Variants in TMEM163 observed in about 807,000 individuals in gnomAD.
TMEM163 encodes the protein transmembrane protein 163.
A neutral mutation model predicts 29.3 loss-of-function variants in TMEM163; 17 were observed. That is an observed-to-expected ratio of 0.58 (90% CI 0.40 to 0.87). The LOEUF is 0.87. TMEM163 is among the 40% of genes least tolerant of loss of function. The probability of loss-of-function intolerance (pLI) is 0.00; values close to 1 mark genes in which losing one functional copy is unlikely to be tolerated. For missense variants in TMEM163, 303 were observed against 381.5 expected, an observed-to-expected ratio of 0.79 and a Z score of 1.71; for synonymous variants, 157 against 160.6, an observed-to-expected ratio of 0.98 and a Z score of 0.17.
chr2:134,609,104 C>T (rs1413967583), intron 2 of TMEM163, among the ~76,000 whole-genome samples: 5 of 51,376 alleles, frequency 9.7e-5, no homozygotes, highest in African/African-American at 3.1e-4. Flanking sequence ...GGACAGACCC[C>T]GAGAACTGTG....
chr2:134,598,173 G>T (rs1682133102), intron 2 of TMEM163, among the ~76,000 whole-genome samples: 2 of 152,170 alleles, frequency 1.3e-5, no homozygotes, highest in African/African-American at 4.8e-5. Flanking sequence ...TGCCAGAGTA[G>T]CTGACAGTCC....
chr2:134,579,955 C>A (rs949204070), intron 2 of TMEM163, among the ~76,000 whole-genome samples: 1 of 152,016 alleles, frequency 6.6e-6, no homozygotes, highest in Non-Finnish European at 1.5e-5. Context: ...GAGACCTAGT[C>A]TTTAAAAAAA....
At chr2:134,711,661 A>G (rs1684930318) in intron 2 of TMEM163, among the ~76,000 whole-genome samples, 1 of 152,200 alleles carries the variant, frequency 6.6e-6, no homozygotes, top group East Asian at 1.9e-4. Context: ...AGATAGCCCA[A>G]CTGATCAGGT....
chr2:134,554,679 A>C (rs1681009925), intron 2 of TMEM163, among the ~76,000 whole-genome samples: 1 of 152,196 alleles, frequency 6.6e-6, no homozygotes, highest in Non-Finnish European at 1.5e-5. Flanking sequence ...ATCTGGACTC[A>C]AACAAAGGAG....
intron 4 of TMEM163, among the ~76,000 whole-genome samples, chr2:134,515,285 C>T (rs1680034369): frequency 6.6e-6 from 1 of 152,192 alleles, no homozygotes; most frequent in Non-Finnish European, 1.5e-5. Flanking sequence ...GGTCTCTGAA[C>T]TCTCACACGG....
At chr2:134,545,315 C>T (rs1018909251) in intron 4 of TMEM163, among the ~76,000 whole-genome samples, 6 of 152,162 alleles carry the variant, frequency 3.9e-5, no homozygotes, top group African/African-American at 1.4e-4. Flanking sequence ...CTCCCAGTCT[C>T]CACATCCTCA....
Position 134,529,358 on chromosome 2 carries a change from C to A in TMEM163, c.458+21212G>T, listed in dbSNP as rs542861123. On this transcript the variant is annotated intron_variant, in intron 4 of 7. Coordinates refer to ENST00000281924, the MANE Select transcript of TMEM163 (RefSeq NM_030923.5). ...AAACAAAAACAAAATGTATATAAAC[C>A]TGCGCACATGCATAAAAGAAATGGA... 4.6e-5 allele frequency among the ~76,000 whole-genome samples: 7 copies of A among 150,748 alleles called. No individual in the cohort carries two copies. The South Asian group carries it at 1.5e-3, about 32-fold the overall frequency.
At chr2:134,616,102 G>A (rs1029652670) in intron 2 of TMEM163, among the ~76,000 whole-genome samples, 4 of 152,196 alleles carry the variant, frequency 2.6e-5, no homozygotes, top group Non-Finnish European at 4.4e-5. Flanking sequence ...GATGGAAGTG[G>A]TCAAGTCAAA....
intron 2 of TMEM163, among the ~76,000 whole-genome samples, chr2:134,706,815 G>A (rs1203916752): frequency 1.3e-5 from 2 of 152,152 alleles, no homozygotes; most frequent in Non-Finnish European, 2.9e-5. Context: ...GAGGGACCTC[G>A]TGGTAACCAA....
intron 4 of TMEM163, among the ~76,000 whole-genome samples, chr2:134,541,331 T>C (rs2106503394): frequency 6.6e-6 from 1 of 152,372 alleles, no homozygotes; most frequent in East Asian, 1.9e-4. Context: ...AAAAGAATTA[T>C]AACTCTTAGT....
rs1296306924 is a variant in TMEM163 at position 134,625,104 on chromosome 2, G to A, written c.323-73013C>T. Among the ~76,000 whole-genome samples, 72 of 151,906 alleles carry A rather than the reference G, an allele frequency of 4.7e-4. 1 individual carries two copies. The highest frequency in any genetic ancestry group is 1.3e-4 in the Non-Finnish European group (9 of 67,994). On this transcript the variant is annotated intron_variant, in intron 2 of 7. Transcript: ENST00000281924. ...ATTGCTGTGCATATGCTGTATATGT[G>A]GGTACATGCTTATCTGAGTTACAGA...
intron 2 of TMEM163, among the ~76,000 whole-genome samples, chr2:134,557,556 C>A (rs1681073891): frequency 6.6e-6 from 1 of 152,136 alleles, no homozygotes. Context: ...AGCAGGACAA[C>A]TCAAGGTGGG....
chr2:134,682,478 A>G (rs1384316165), intron 2 of TMEM163, among the ~76,000 whole-genome samples: 1 of 152,176 alleles, frequency 6.6e-6, no homozygotes, highest in African/African-American at 2.4e-5. Flanking sequence ...TTTATACGGA[A>G]AGAAAACTAA....
intron 2 of TMEM163, among the ~76,000 whole-genome samples, chr2:134,688,875 C>T (rs183321657): frequency 3.9e-5 from 6 of 152,240 alleles, no homozygotes; most frequent in East Asian, 3.9e-4. Context: ...GTACTGAGTA[C>T]ATGAAACGTG....
intron 2 of TMEM163, among the ~76,000 whole-genome samples, chr2:134,639,535 C>T (rs1238816644): frequency 2.0e-5 from 3 of 152,208 alleles, no homozygotes; most frequent in African/African-American, 4.8e-5. Flanking sequence ...GGTGTTTCTG[C>T]AGTGAGAGAA....
At chr2:134,511,155 G>GGT (rs1558928355) in intron 4 of TMEM163, among the ~76,000 whole-genome samples, 1 of 148,756 alleles carries the variant, frequency 6.7e-6, no homozygotes, top group East Asian at 2.0e-4. Flanking sequence ...GAACAAGGCG[G>GGT]GGGGGGGTGC....
Position 134,558,090 on chromosome 2 carries a change from C to T in TMEM163, c.323-5999G>A, listed in dbSNP as rs182068572. Among the ~76,000 whole-genome samples the T allele has an allele frequency of 4.0e-3, 604 of 152,260 alleles. 9 individuals are homozygous for T. Among genetic ancestry groups the T allele is most frequent in the African/African-American group, 0.014 (575 of 41,548 alleles). On this transcript the variant is annotated intron_variant, in intron 2 of 7. Coordinates refer to ENST00000281924, the MANE Select transcript of TMEM163 (RefSeq NM_030923.5). ...CCAGATCTGTGATACATATCTGGGA[C>T]TAGGCTGCACTGTGAGTTCACAAAT...
At chr2:134,480,547 A>C (rs1179297973) in intron 5 of TMEM163, among the ~76,000 whole-genome samples, 1 of 152,220 alleles carries the variant, frequency 6.6e-6, no homozygotes, top group Non-Finnish European at 1.5e-5. Flanking sequence ...CATACTCAAG[A>C]GTGTAGACAT....
chr2:134,670,911 G>A (rs141434169), intron 2 of TMEM163, among the ~76,000 whole-genome samples: 2 of 152,314 alleles, frequency 1.3e-5, no homozygotes, highest in East Asian at 3.9e-4. Flanking sequence ...GTGATATTCT[G>A]GCTCATGTCT....
Sources: gnomAD v4.1 joint callset for allele counts (sites outside exome capture counted in the v4.1 genomes callset) on GRCh38, gnomAD v4.1.1 for gene constraint, MANE v1.5 for transcripts, NCBI Gene and HGNC (gene_info 2026-07-23, HGNC 2026-07-21) for gene names.